CHST15: variants seen among roughly 807,000 people sequenced by gnomAD.
CHST15 encodes carbohydrate sulfotransferase 15.
CHST15 carries 30 observed loss-of-function variants against 53.6 expected under a neutral mutation model. That is an observed-to-expected ratio of 0.56 (90% confidence interval 0.42 to 0.76). The LOEUF (loss-of-function observed/expected upper bound fraction) is 0.76. CHST15 is among the 30% of genes least tolerant of loss of function. The probability of loss-of-function intolerance (pLI) is 0.00; values close to 1 mark genes in which losing one functional copy is unlikely to be tolerated. For missense variants in CHST15, 627 were observed against 740.5 expected (o/e 0.85, Z 1.78); for synonymous variants, 296 against 289.8 (o/e 1.02, Z -0.22).
intron 7 of CHST15, chr10:124,011,046 G>A (rs955085212): frequency 1.0e-6 from 1 of 982,670 alleles, no homozygotes; most frequent in Non-Finnish European, 1.2e-6. Flanking sequence ...CCTCTGGAGT[G>A]AGGAGAGGCC....
Position 124,038,681 on chromosome 10 carries a change from G to GA in CHST15, c.1034-11dup, listed in dbSNP as rs749045697. 1 of 1,613,656 alleles carries GA rather than the reference G, an allele frequency of 6.2e-7. No individual in the cohort carries two copies. Among genetic ancestry groups the GA allele is most frequent in the African/African-American group, 1.3e-5 (1 of 75,052 alleles). On this transcript the variant is annotated splice_polypyrimidine_tract_variant and intron_variant, in intron 4 of 7. Transcript: ENST00000435907. ...GAGGCACTGGCCTCCCCTGGAAACA[G>GA]AAAACACTCCAAGTGAGCAGGGGTG...
At chr10:124,081,022 G>C (rs986445735) in intron 1 of CHST15, among the ~76,000 whole-genome samples, 1 of 152,202 alleles carries the variant, frequency 6.6e-6, no homozygotes, top group Non-Finnish European at 1.5e-5. Flanking sequence ...TGGGCCTCCA[G>C]CCTGGGCCAC....
Position 124,019,070 on chromosome 10 carries a change from C to T in CHST15, c.1347+2186G>A, listed in dbSNP as rs187124063. 2.6e-5 allele frequency among the ~76,000 whole-genome samples: 4 copies of T among 152,236 alleles called. No individual in the cohort carries two copies. Among genetic ancestry groups the T allele is most frequent in the Admixed American group, 2.0e-4 (3 of 15,294 alleles). On this transcript the variant is annotated intron_variant, in intron 6 of 7. Coordinates refer to ENST00000435907, the MANE Select transcript of CHST15 (RefSeq NM_001270764.2). The surrounding 1 kb of genome is among the most constrained non-coding windows in gnomAD (Gnocchi z 4.6). ...ATGCCAGGACTGAAGGTCCTCCATG[C>T]GAGGCCTGCAGGATGGAAGAGCCAC...
At chr10:124,026,169 T>G (rs1206058396) in intron 5 of CHST15, among the ~76,000 whole-genome samples, 1 of 152,128 alleles carries the variant, frequency 6.6e-6, no homozygotes, top group Non-Finnish European at 1.5e-5. Flanking sequence ...TGGCCACATT[T>G]CCCAGAAGGA....
chr10:124,053,768 A>G (rs1948285923), intron 1 of CHST15, among the ~76,000 whole-genome samples: 1 of 152,046 alleles, frequency 6.6e-6, no homozygotes, highest in South Asian at 2.1e-4. Context: ...AAATACAAAA[A>G]TTAGCTGGGT....
At chr10:124,045,132 A>AAAAC (rs1564882278) in intron 2 of CHST15, among the ~76,000 whole-genome samples, 10 of 145,804 alleles carry the variant, frequency 6.9e-5, no homozygotes, top group Non-Finnish European at 1.0e-4. Context: ...AAAAAAAAAA[A>AAAAC]AAAAAAAAAA....
intron 4 of CHST15, among the ~76,000 whole-genome samples, chr10:124,040,153 T>C (rs1378810893): frequency 2.0e-5 from 3 of 152,208 alleles, no homozygotes; most frequent in African/African-American, 7.2e-5. Context: ...ACAAATTCTG[T>C]CAGATCTCAA....
Position 124,031,579 on chromosome 10 carries a change from C to T in CHST15, c.1190+6936G>A, listed in dbSNP as rs541779637. On this transcript the variant is annotated intron_variant, in intron 5 of 7. Coordinates refer to ENST00000435907, the MANE Select transcript of CHST15 (RefSeq NM_001270764.2). ...CGGGATTATAACTTTACGGGGCCAC[C>T]ATCATATATGGGGTCCACTGTTGAC... 7.2e-5 allele frequency among the ~76,000 whole-genome samples: 11 copies of T among 152,272 alleles called. No individual in the cohort carries two copies. The East Asian group carries it at 1.9e-3, about 27-fold the overall frequency.
chr10:124,023,322 T>TA lies in CHST15; in HGVS notation c.1191-1911dup, dbSNP rs200281191. Among the ~76,000 whole-genome samples, 1,490 of 151,882 alleles carry TA rather than the reference T, an allele frequency of 9.8e-3. 22 individuals are homozygous for TA. The highest frequency in any genetic ancestry group is 0.034 in the African/African-American group (1,407 of 41,428). On this transcript the variant is annotated intron_variant, in intron 5 of 7. Transcript: ENST00000435907. Reference sequence around the variant, plus strand: ...CAACATAGTGAAACCTTGTCTCTACTAAAAATACAAAAAATTAGCCAGGCG... The same window carrying TA: ...CAACATAGTGAAACCTTGTCTCTACTAAAAAATACAAAAAATTAGCCAGGCG...
chr10:124,068,845 G>A (rs1353515205), intron 1 of CHST15, among the ~76,000 whole-genome samples: 3 of 152,236 alleles, frequency 2.0e-5, no homozygotes, highest in South Asian at 2.1e-4. Flanking sequence ...ACTGTAAAAT[G>A]TTCTATTTTA....
chr10:124,008,569 G>A lies in CHST15; in HGVS notation c.*1580C>T. On this transcript the variant is annotated 3_prime_UTR_variant, in exon 8 of 8. Transcript: ENST00000435907. ...GCCATCCTGGCGCTCAGAGCCCTCT[G>A]CACACCTTCGAACGGGCTGTGTGTC... The A allele has an allele frequency of 1.0e-6, 1 of 1,004,218 alleles. No individual in the cohort carries two copies. The highest frequency in any genetic ancestry group is 1.2e-6 in the Non-Finnish European group (1 of 840,290). The allele number at this position is 1,004,218 out of a possible 1,614,324, so 62.2% of individuals were successfully genotyped here. A position where few individuals can be genotyped will look rare whatever the true frequency, so the allele number is the denominator to read the frequency against.
intron 1 of CHST15, among the ~76,000 whole-genome samples, chr10:124,089,327 A>G (rs1455376143): frequency 1.3e-5 from 2 of 152,190 alleles, no homozygotes; most frequent in Non-Finnish European, 2.9e-5. Flanking sequence ...TAGAATTTAG[A>G]CGACTCTTCT....
At position 124,009,333 on chromosome 10, in the gene CHST15, G is replaced by C. The variant is rs1946349612; in HGVS notation, c.*816C>G. 5.7e-6 allele frequency: 6 copies of C among 1,045,674 alleles called. No homozygotes were observed. Among genetic ancestry groups the C allele is most frequent in the Non-Finnish European group, 7.0e-6 (6 of 863,274 alleles). 64.8% of individuals were successfully genotyped at this position (1,045,674 alleles called of 1,614,324 possible). Reference sequence around the variant, plus strand: ...AACGTATGAAGAGGCAGCAGAGAGAGAGCCAGGACTGGTTAAATGCAGAAA... The same window carrying C: ...AACGTATGAAGAGGCAGCAGAGAGACAGCCAGGACTGGTTAAATGCAGAAA... On this transcript the variant is annotated 3_prime_UTR_variant, in exon 8 of 8. Transcript: ENST00000435907.
chr10:124,021,957 G>A (rs567988042), intron 5 of CHST15, among the ~76,000 whole-genome samples: 114 of 152,238 alleles, frequency 7.5e-4, no homozygotes, highest in African/African-American at 2.6e-3. Flanking sequence ...TTTTTAACAC[G>A]ATGTAAAAGC....
chr10:124,084,990 G>T (rs1238545551), intron 1 of CHST15, among the ~76,000 whole-genome samples: 1 of 152,212 alleles, frequency 6.6e-6, no homozygotes, highest in Non-Finnish European at 1.5e-5. Flanking sequence ...ACTCCCCGGG[G>T]CAACCCTGCT....
intron 4 of CHST15, among the ~76,000 whole-genome samples, chr10:124,041,214 C>T (rs879673708): frequency 2.0e-5 from 3 of 152,170 alleles, no homozygotes; most frequent in Admixed American, 2.0e-4. Flanking sequence ...AGTCATCTTT[C>T]GAAGGGCTGA....
chr10:124,087,959 A>G (rs61863984), intron 1 of CHST15, among the ~76,000 whole-genome samples: 49,492 of 152,170 alleles, frequency 0.33, 8,328 homozygotes, highest in Middle Eastern at 0.4. Flanking sequence ...GAGTCCAGAG[A>G]GTGAAGCCAC....
chr10:124,042,481 C>A, intron 3 of CHST15, 34 bp from the exon 4 acceptor site: 1 of 1,606,338 alleles, frequency 6.2e-7, no homozygotes, highest in Non-Finnish European at 8.5e-7. Flanking sequence ...ATACTGAGGA[C>A]AAAGTTGCTA....
intron 1 of CHST15, among the ~76,000 whole-genome samples, chr10:124,064,272 C>T (rs4396226): frequency 0.27 from 40,311 of 152,054 alleles, 6,084 homozygotes; most frequent in South Asian, 0.42. Context: ...GTTTCTGTTT[C>T]GGAAAAGTAA....
Sources: allele counts gnomAD v4.1 joint callset (sites outside exome capture counted in the v4.1 genomes callset), GRCh38; gene constraint gnomAD v4.1.1; non-coding constraint Gnocchi (gnomAD v3.1); transcripts MANE v1.5; gene names NCBI Gene and HGNC (gene_info 2026-07-23, HGNC 2026-07-21).